Variants in P3H2 observed in about 807,000 individuals in gnomAD.
P3H2 encodes the protein leprecan-like 1.
Under a neutral mutation model 87.0 loss-of-function variants are expected in P3H2, and 80 were observed. That is an observed-to-expected ratio of 0.92 (90% CI 0.77 to 1.11). The LOEUF (loss-of-function observed/expected upper bound fraction) is 1.11, where lower values mean the gene tolerates loss of function less well. Among genes scored for constraint, P3H2 ranks in the 50% least tolerant of loss-of-function variants. The probability of loss-of-function intolerance (pLI) is 0.00; values close to 1 mark genes in which losing one functional copy is unlikely to be tolerated. For synonymous variants in P3H2, 367 were observed against 359.3 expected (o/e 1.02, Z -0.24); for missense variants, 1,001 against 923.9 (o/e 1.08, Z -1.08).
chr3:189,995,697 A>G (rs2108925079), intron 1 of P3H2, among the ~76,000 whole-genome samples: 1 of 152,230 alleles, frequency 6.6e-6, no homozygotes, highest in Non-Finnish European at 1.5e-5. Context: ...TGTAAACTAT[A>G]TATCCATATC....
At chr3:190,046,148 A>C (rs1725797279) in intron 1 of P3H2, among the ~76,000 whole-genome samples, 1 of 151,680 alleles carries the variant, frequency 6.6e-6, no homozygotes, top group African/African-American at 2.4e-5. Flanking sequence ...AAAGAGTTCA[A>C]ACCTGCCCTT....
At chr3:190,045,305 A>G (rs1029234965) in intron 1 of P3H2, among the ~76,000 whole-genome samples, 1 of 152,218 alleles carries the variant, frequency 6.6e-6, no homozygotes, top group Non-Finnish European at 1.5e-5. Flanking sequence ...TGTGTGGTAC[A>G]CTTAGATATA....
chr3:190,023,473 C>A (rs1470761834), intron 1 of P3H2, among the ~76,000 whole-genome samples: 1 of 152,084 alleles, frequency 6.6e-6, no homozygotes, highest in Admixed American at 6.6e-5. Context: ...ACCTTCTTTA[C>A]GAGGCGGCAG....
chr3:190,108,122 T>A (rs59286427), intron 1 of P3H2, among the ~76,000 whole-genome samples: 17,546 of 152,068 alleles, frequency 0.12, 1,102 homozygotes, highest in Middle Eastern at 0.21. Flanking sequence ...ATTACCAGTA[T>A]TTTTTAAATG....
At chr3:190,113,947 G>A (rs1455829438) in intron 1 of P3H2, among the ~76,000 whole-genome samples, 6 of 150,242 alleles carry the variant, frequency 4.0e-5, no homozygotes, top group Non-Finnish European at 8.9e-5. Context: ...GGGCGTGGAG[G>A]CGGGCGCCTG....
chr3:189,978,444 G>T (rs1723419272), intron 8 of P3H2, among the ~76,000 whole-genome samples: 1 of 152,158 alleles, frequency 6.6e-6, no homozygotes, highest in Admixed American at 6.5e-5. Flanking sequence ...AGAGCCTTAA[G>T]AGAAGGCTAC....
At chr3:190,030,486 G>A (rs1725218736) in intron 1 of P3H2, among the ~76,000 whole-genome samples, 1 of 152,138 alleles carries the variant, frequency 6.6e-6, no homozygotes, top group South Asian at 2.1e-4. Context: ...GCCCAGGGAG[G>A]TCAAGGCTGC....
At chr3:190,095,553 T>C (rs3111849) in intron 1 of P3H2, among the ~76,000 whole-genome samples, 41,607 of 148,834 alleles carry the variant, frequency 0.28, 6,275 homozygotes, top group Non-Finnish European at 0.35. Flanking sequence ...CATGAAGATA[T>C]GTAATTTAGA....
chr3:190,076,166 C>A (rs1475328815), intron 1 of P3H2, among the ~76,000 whole-genome samples: 4 of 149,956 alleles, frequency 2.7e-5, no homozygotes, highest in Admixed American at 6.7e-5. Context: ...AAAAAAAAAA[C>A]CACCAAACAC....
At chr3:190,036,194 C>A (rs7645650) in intron 1 of P3H2, among the ~76,000 whole-genome samples, 1 of 151,850 alleles carries the variant, frequency 6.6e-6, no homozygotes, top group East Asian at 1.9e-4. Context: ...ATAACCACAT[C>A]ACTCTGCCTT....
chr3:190,109,573 T>G (rs1470673637), intron 1 of P3H2, among the ~76,000 whole-genome samples: 1 of 152,184 alleles, frequency 6.6e-6, no homozygotes, highest in African/African-American at 2.4e-5. Flanking sequence ...GCAAGCTGTC[T>G]CATCATGTTA....
chr3:189,965,279 C>G (rs948915068), intron 13 of P3H2, among the ~76,000 whole-genome samples: 7 of 152,152 alleles, frequency 4.6e-5, no homozygotes, highest in African/African-American at 1.7e-4. Context: ...TACTCCCGGA[C>G]TACGTGACTA....
chr3:189,990,796 A>G (rs370990403), intron 3 of P3H2, among the ~76,000 whole-genome samples: 48 of 152,214 alleles, frequency 3.2e-4, no homozygotes, highest in African/African-American at 1.1e-3. Context: ...TCTATCTTAA[A>G]TGACATTGTG....
intron 1 of P3H2, among the ~76,000 whole-genome samples, chr3:190,098,333 G>C (rs911037505): frequency 3.9e-5 from 6 of 152,120 alleles, no homozygotes; most frequent in Non-Finnish European, 8.8e-5. Flanking sequence ...TAATCAGATT[G>C]TGTACAGTTT....
chr3:190,092,647 A>G (rs575931456), intron 1 of P3H2, among the ~76,000 whole-genome samples: 23 of 152,332 alleles, frequency 1.5e-4, no homozygotes, highest in Admixed American at 2.6e-4. Flanking sequence ...GGAAGCTGGG[A>G]TCTGAACTCT....
intron 13 of P3H2, among the ~76,000 whole-genome samples, chr3:189,966,073 GGAAAGAAAGGAA>G (rs1465748261): frequency 4.4e-5 from 5 of 112,532 alleles, no homozygotes; most frequent in Non-Finnish European, 9.1e-5. Context: ...AGAGAAAGAA[GGAAAGAAAGGAA>G]GAAAGAAAGA....
intron 1 of P3H2, among the ~76,000 whole-genome samples, chr3:190,086,602 T>C (rs1375262486): frequency 6.6e-6 from 1 of 152,164 alleles, no homozygotes; most frequent in African/African-American, 2.4e-5. Flanking sequence ...GATTTCTCAA[T>C]TTCACAAATG....
chr3:189,960,869 T>C (rs2108901203), intron 14 of P3H2, among the ~76,000 whole-genome samples: 1 of 151,610 alleles, frequency 6.6e-6, no homozygotes, highest in East Asian at 1.9e-4. Context: ...ATATACTAAA[T>C]AACAGAAAAT....
rs564642193 is a variant in P3H2, at chr3:190,066,076, T to A, written c.480+54176A>T. Among the ~76,000 whole-genome samples, 42 of 151,684 alleles carry A rather than the reference T, an allele frequency of 2.8e-4. No homozygotes were observed. In the South Asian group the frequency reaches 8.1e-3, roughly 29 times the overall value. ...CACTGTGGTCTGAGAGAGTACTTGA[T>A]ATAATTTCAATGTGGAACAGATCTA... On this transcript the variant is annotated intron_variant, in intron 1 of 14. Transcript: ENST00000319332.
Sources: gnomAD v4.1 joint callset for allele counts (sites outside exome capture counted in the v4.1 genomes callset) on GRCh38, gnomAD v4.1.1 for gene constraint, MANE v1.5 for transcripts, NCBI Gene and HGNC (gene_info 2026-07-23, HGNC 2026-07-21) for gene names.